RCOR1: variants seen among roughly 807,000 people sequenced by gnomAD.
The protein encoded by RCOR1 is REST corepressor 1.
In RCOR1, 12 loss-of-function variants were observed where a neutral mutation model predicts 64.0. That is an observed-to-expected ratio of 0.19 (90% CI 0.12 to 0.30). The LOEUF (loss-of-function observed/expected upper bound fraction) is 0.30, where lower values mean the gene tolerates loss of function less well. RCOR1 is among the 10% of genes least tolerant of loss of function. The pLI is 1.00. For synonymous variants in RCOR1, 279 were observed against 227.2 expected (o/e 1.23, Z -2.05); for missense variants, 502 against 621.2 (o/e 0.81, Z 2.04).
At chr14:102,658,393 A>G in intron 2 of RCOR1, 2 of 377,278 alleles carry the variant, frequency 5.3e-6, no homozygotes, top group Non-Finnish European at 7.3e-6. Flanking sequence ...CACCTGAGGC[A>G]TGAGAAGTGC....
intron 3 of RCOR1, among the ~76,000 whole-genome samples, chr14:102,689,300 T>G (rs8010679): frequency 0.45 from 67,753 of 151,844 alleles, 17,276 homozygotes; most frequent in African/African-American, 0.71. Context: ...GGATTTTTTT[T>G]TTGTTGCTTG....
chr14:102,635,349 C>T (rs1894214195), intron 2 of RCOR1, among the ~76,000 whole-genome samples: 1 of 151,972 alleles, frequency 6.6e-6, no homozygotes, highest in Admixed American at 6.6e-5. Flanking sequence ...ACTAAAAATA[C>T]AAAAAGTAGC....
intron 2 of RCOR1, among the ~76,000 whole-genome samples, chr14:102,623,074 T>A (rs533327629): frequency 8.5e-5 from 13 of 152,308 alleles, no homozygotes; most frequent in South Asian, 4.1e-4. Flanking sequence ...ATGTCTTGGT[T>A]ATGTCTGAAC....
chr14:102,686,788 C>T (rs951328689), intron 3 of RCOR1, among the ~76,000 whole-genome samples: 1 of 152,150 alleles, frequency 6.6e-6, no homozygotes, highest in African/African-American at 2.4e-5. Flanking sequence ...AATAATATAC[C>T]GTTGTCTAGC....
intron 2 of RCOR1, among the ~76,000 whole-genome samples, chr14:102,663,617 G>T (rs568191579): frequency 6.6e-6 from 1 of 152,184 alleles, no homozygotes; most frequent in African/African-American, 2.4e-5. Flanking sequence ...TGTAGCTTCA[G>T]GGCTTTTTTT....
intron 6 of RCOR1, among the ~76,000 whole-genome samples, chr14:102,709,378 A>G (rs759437253): frequency 6.6e-6 from 1 of 152,148 alleles, no homozygotes. Context: ...GTGGTGAGAT[A>G]TATAGGTGGG....
chr14:102,678,216 G>A lies in RCOR1; in HGVS notation c.362-3679G>A, dbSNP rs980516530. ...TGGAAGGAGACCGTGGAGAGAGAGG[G>A]AGACGAGAGGGAGAGGGAGAGGGAG... On this transcript the variant is annotated intron_variant, in intron 2 of 11. Transcript: ENST00000262241. Among the ~76,000 whole-genome samples the A allele has an allele frequency of 2.2e-5, 3 of 134,472 alleles. No individual in the cohort carries two copies. The Admixed American group carries it at 2.3e-4, about 10-fold the overall frequency. 88.2% of individuals were successfully genotyped at this position (134,472 alleles called of 152,430 possible).
chr14:102,659,956 T>G (rs1894798122), intron 2 of RCOR1, among the ~76,000 whole-genome samples: 1 of 152,214 alleles, frequency 6.6e-6, no homozygotes, highest in East Asian at 1.9e-4. Context: ...ACACTGACTT[T>G]CGTAATAAGA....
chr14:102,727,467 G>A lies in RCOR1; in HGVS notation c.*961G>A, dbSNP rs564368201. 2 of 152,672 alleles carry A rather than the reference G, an allele frequency of 1.3e-5. No individual in the cohort carries two copies. Among genetic ancestry groups the A allele is most frequent in the South Asian group, 4.2e-4 (2 of 4,814 alleles). The allele number at this position is 152,672 out of a possible 1,614,324, so 9.5% of individuals were successfully genotyped here. A position where few individuals can be genotyped will look rare whatever the true frequency, so the allele number is the denominator to read the frequency against. On this transcript the variant is annotated 3_prime_UTR_variant, in exon 12 of 12. Coordinates refer to ENST00000262241, the MANE Select transcript of RCOR1 (RefSeq NM_015156.4). ...ATGACATCACTGAGATTAGGAGACA[G>A]GGGAGAGCTTGCTGCAGATTCTGAC...
chr14:102,726,343 A>C, intron 11 of RCOR1, 125 bp from the exon 12 acceptor site: 1 of 832,788 alleles, frequency 1.2e-6, no homozygotes, highest in Non-Finnish European at 1.9e-6. Flanking sequence ...AAAAAAAAAA[A>C]AGAACTCGGT....
chr14:102,657,477 T>C (rs1221129844), intron 2 of RCOR1: 2 of 983,772 alleles, frequency 2.0e-6, no homozygotes, highest in Admixed American at 6.2e-5. Context: ...CTTTTTGATA[T>C]TAGAGATTTT....
chr14:102,673,334 A>AT (rs34576884), intron 2 of RCOR1, among the ~76,000 whole-genome samples: 16,954 of 127,500 alleles, frequency 0.13, 1,452 homozygotes, highest in African/African-American at 0.24. Context: ...CCAATCCCTG[A>AT]TTTTTTTTTT....
chr14:102,592,770 G>A lies in RCOR1; in HGVS notation c.-117G>A. 1.7e-6 allele frequency: 2 copies of A among 1,206,152 alleles called. No homozygotes were observed. Among genetic ancestry groups the A allele is most frequent in the Non-Finnish European group, 2.1e-6 (2 of 971,832 alleles). 74.7% of individuals were successfully genotyped at this position (1,206,152 alleles called of 1,614,324 possible). A position where few individuals can be genotyped will look rare whatever the true frequency, so the allele number is the denominator to read the frequency against. ...CCCCCGACTCGGACTCGCGCCCGTGGGCTCCCGCCGCGCCCGCCCGGCCCC... is the reference window on the plus strand; with the variant it reads ...CCCCCGACTCGGACTCGCGCCCGTGAGCTCCCGCCGCGCCCGCCCGGCCCC... On this transcript the variant is annotated 5_prime_UTR_variant, in exon 1 of 12. Transcript: ENST00000262241.
In RCOR1 at chr14:102,634,366, C is replaced by A. The variant is rs191665746; in HGVS notation, c.361+41041C>A. The stretch of plus-strand genomic sequence containing the variant: ...CTCCATCCTGGGTGACAGAGCAAAA[C>A]CCTGTCTCAAAAACCAACCAACCAA... On this transcript the variant is annotated intron_variant, in intron 2 of 11. Coordinates refer to ENST00000262241, the MANE Select transcript of RCOR1 (RefSeq NM_015156.4). Among the ~76,000 whole-genome samples, 150 of 151,646 alleles carry A rather than the reference C, an allele frequency of 9.9e-4. 1 individual carries two copies. The highest frequency in any genetic ancestry group is 3.5e-3 in the African/African-American group (145 of 41,108).
intron 2 of RCOR1, among the ~76,000 whole-genome samples, chr14:102,597,922 A>G (rs1893297713): frequency 6.8e-6 from 1 of 148,014 alleles, no homozygotes; most frequent in African/African-American, 2.6e-5. Flanking sequence ...TCTCAGGTTC[A>G]AGCAATTCTC....
At chr14:102,632,852 A>G (rs936820802) in intron 2 of RCOR1, among the ~76,000 whole-genome samples, 13 of 146,960 alleles carry the variant, frequency 8.8e-5, no homozygotes, top group Non-Finnish European at 1.6e-4. Context: ...TCACTCTGTC[A>G]CCTAGACTGA....
intron 10 of RCOR1, among the ~76,000 whole-genome samples, chr14:102,721,967 A>G (rs893693129): frequency 6.6e-6 from 1 of 152,194 alleles, no homozygotes; most frequent in African/African-American, 2.4e-5. Context: ...GTTATGTGAC[A>G]TGTAATGGGA....
chr14:102,710,593 A>T (rs561600526), intron 6 of RCOR1: 107 of 223,972 alleles, frequency 4.8e-4, no homozygotes, highest in African/African-American at 2.2e-3. Flanking sequence ...CTAGTCCTCA[A>T]TAGATAATTA....
intron 9 of RCOR1, 102 bp downstream of exon 9, chr14:102,721,186 A>G: frequency 9.6e-7 from 1 of 1,043,432 alleles, no homozygotes; most frequent in Non-Finnish European, 1.5e-6. Flanking sequence ...CTCTTGGAAG[A>G]GTATATGGAC....
Sources: allele counts gnomAD v4.1 joint callset (sites outside exome capture counted in the v4.1 genomes callset), GRCh38; gene constraint gnomAD v4.1.1; transcripts MANE v1.5; gene names NCBI Gene and HGNC (gene_info 2026-07-23, HGNC 2026-07-21).